SVEP1: variants seen among roughly 807,000 people sequenced by gnomAD.
SVEP1 encodes the protein sushi, von Willebrand factor type A, EGF and pentraxin domain-containing protein 1.
SVEP1 carries 164 observed loss-of-function variants against 367.3 expected under a neutral mutation model. The observed-to-expected ratio is 0.45, with a 90% CI of 0.39 to 0.51. The LOEUF is 0.51. Among genes scored for constraint, SVEP1 ranks in the 20% least tolerant of loss-of-function variants. The probability of loss-of-function intolerance (pLI) is 0.00; values close to 1 mark genes in which losing one functional copy is unlikely to be tolerated. For synonymous variants in SVEP1, 1,666 were observed against 1,611.6 expected (o/e 1.03, Z -0.81); for missense variants, 4,117 against 4,425.3 (o/e 0.93, Z 1.98).
In SVEP1 at chr9:110,528,027, G is replaced by C. The variant is rs190122511; in HGVS notation, c.965-13921C>G. ...CAGCTCCATCAAAGTTGCTGCAAAAGACATTATTTCATTCATTTTATGGCT... is the reference window on the plus strand; with the variant it reads ...CAGCTCCATCAAAGTTGCTGCAAAACACATTATTTCATTCATTTTATGGCT... On this transcript the variant is annotated intron_variant, in intron 3 of 47. Coordinates refer to ENST00000374469, the MANE Select transcript of SVEP1 (RefSeq NM_153366.4). Among the ~76,000 whole-genome samples the C allele has an allele frequency of 4.0e-5, 6 of 150,314 alleles. No homozygotes were observed. The East Asian group carries it at 1.2e-3, about 29-fold the overall frequency.
At chr9:110,446,105 C>G in intron 25 of SVEP1, 67 bp from the exon 26 acceptor site, 1 of 1,429,684 alleles carries the variant, frequency 7.0e-7, no homozygotes, top group Non-Finnish European at 9.6e-7. Context: ...TCAGAGGAAG[C>G]AGTGCTATTG....
intron 44 of SVEP1, 97 bp from the exon 45 acceptor site, chr9:110,377,463 G>T: frequency 9.0e-7 from 1 of 1,109,832 alleles, no homozygotes; most frequent in Non-Finnish European, 1.3e-6. Context: ...CTATTTCCTT[G>T]AGTCAAGCTT....
At chr9:110,507,213 T>C (rs1829639042) in intron 5 of SVEP1, among the ~76,000 whole-genome samples, 2 of 152,228 alleles carry the variant, frequency 1.3e-5, no homozygotes, top group South Asian at 2.1e-4. Context: ...TCTCTAAAGA[T>C]TTTTGAACAA....
At chr9:110,389,275 AAACT>A (rs1296856863) in intron 41 of SVEP1, among the ~76,000 whole-genome samples, 3 of 152,184 alleles carry the variant, frequency 2.0e-5, no homozygotes, top group Admixed American at 1.3e-4. Context: ...GTTTTTAAAC[AAACT>A]GTTTGCCATT....
chr9:110,514,224 G>T, intron 3 of SVEP1, 118 bp from the exon 4 acceptor site: 4 of 1,361,680 alleles, frequency 2.9e-6, no homozygotes, highest in Non-Finnish European at 3.0e-6. Flanking sequence ...TAGAAATGGT[G>T]ATGTAGGCTG....
rs117615565 is a variant in SVEP1 at position 110,391,107 on chromosome 9, G to A, written c.9823-1520C>T. Among the ~76,000 whole-genome samples the A allele has an allele frequency of 4.0e-3, 615 of 152,026 alleles. 1 individual carries two copies. The highest frequency in any genetic ancestry group is 6.0e-3 in the Non-Finnish European group (406 of 67,978). On this transcript the variant is annotated intron_variant, in intron 40 of 47. Coordinates refer to ENST00000374469, the MANE Select transcript of SVEP1 (RefSeq NM_153366.4). Reference sequence around the variant, plus strand: ...AATTCCTTAATATTAATAAAATGTCGTTTTCAAATTTCCAATTGTTGCATA... The same window carrying A: ...AATTCCTTAATATTAATAAAATGTCATTTTCAAATTTCCAATTGTTGCATA...
At chr9:110,477,831 T>C (rs1245864000) in intron 13 of SVEP1, among the ~76,000 whole-genome samples, 1 of 152,174 alleles carries the variant, frequency 6.6e-6, no homozygotes, top group Non-Finnish European at 1.5e-5. Flanking sequence ...ATCTCTTGCT[T>C]TCATTTCCTA....
At position 110,365,509 on chromosome 9, in the gene SVEP1, T is replaced by C. The variant is rs1400191052; in HGVS notation, c.*1030A>G. ...GGCAAGTTGATTCTGAGTTTCCTAT[T>C]TTAAAACAAAATCTAGGGTTTGACT... On this transcript the variant is annotated 3_prime_UTR_variant, in exon 48 of 48. Transcript: ENST00000374469. 6.6e-6 allele frequency: 1 copy of C among 152,284 alleles called. No homozygotes were observed. Among genetic ancestry groups the C allele is most frequent in the East Asian group, 1.9e-4 (1 of 5,202 alleles). 9.4% of individuals were successfully genotyped at this position (152,284 alleles called of 1,614,324 possible). A position where few individuals can be genotyped will look rare whatever the true frequency, so the allele number is the denominator to read the frequency against.
At chr9:110,479,237 G>T (rs540856263) in intron 13 of SVEP1, among the ~76,000 whole-genome samples, 53 of 152,056 alleles carry the variant, frequency 3.5e-4, no homozygotes, top group African/African-American at 1.3e-3. Flanking sequence ...TATAATTGTT[G>T]TAAGAGTCCT....
At chr9:110,425,587 T>A (rs1828241508) in intron 36 of SVEP1, among the ~76,000 whole-genome samples, 1 of 152,234 alleles carries the variant, frequency 6.6e-6, no homozygotes, top group African/African-American at 2.4e-5. Flanking sequence ...ATGAGATGAT[T>A]CACATAGAAT....
At chr9:110,543,140 C>G (rs1830174413) in intron 3 of SVEP1, among the ~76,000 whole-genome samples, 1 of 152,024 alleles carries the variant, frequency 6.6e-6, no homozygotes, top group Admixed American at 6.6e-5. Context: ...TCTCTTAGCT[C>G]CTACTGTTCC....
At chr9:110,578,482 G>A (rs1235677808) in intron 1 of SVEP1, among the ~76,000 whole-genome samples, 1 of 151,572 alleles carries the variant, frequency 6.6e-6, no homozygotes, top group African/African-American at 2.4e-5. Flanking sequence ...GGATTAATTT[G>A]TAATCAGAAA....
intron 27 of SVEP1, 40 bp from the exon 28 acceptor site, chr9:110,436,544 C>A (rs1274496113): frequency 6.3e-7 from 1 of 1,594,424 alleles, no homozygotes; most frequent in Non-Finnish European, 8.6e-7. Flanking sequence ...GGAAAACTGG[C>A]CTGATGGTCT....
At chr9:110,463,465 C>T (rs1476831419) in intron 18 of SVEP1, among the ~76,000 whole-genome samples, 1 of 151,340 alleles carries the variant, frequency 6.6e-6, no homozygotes, top group Non-Finnish European at 1.5e-5. Context: ...TAGAGAAATG[C>T]AAAAGCAATG....
chr9:110,531,351 C>A (rs1011223331), intron 3 of SVEP1, among the ~76,000 whole-genome samples: 1 of 152,140 alleles, frequency 6.6e-6, no homozygotes, highest in African/African-American at 2.4e-5. Flanking sequence ...ACCCAAATCT[C>A]ATCTTGAACT....
intron 1 of SVEP1, among the ~76,000 whole-genome samples, chr9:110,569,032 G>A (rs1297650710): frequency 6.6e-6 from 1 of 152,158 alleles, no homozygotes; most frequent in Non-Finnish European, 1.5e-5. Flanking sequence ...GGTTGAGGCT[G>A]CAGTGAGACA....
rs537777955 is a variant in SVEP1 at position 110,501,515 on chromosome 9, G to A, written c.1483+1523C>T. Reference sequence around the variant, plus strand: ...TTCATTCTATTTTGTTGTGGGGGGGGCAGGCTTGTAGTCTACAAATGATGA... The same window carrying A: ...TTCATTCTATTTTGTTGTGGGGGGGACAGGCTTGTAGTCTACAAATGATGA... On this transcript the variant is annotated intron_variant, in intron 6 of 47. Coordinates refer to ENST00000374469, the MANE Select transcript of SVEP1 (RefSeq NM_153366.4). Among the ~76,000 whole-genome samples the A allele has an allele frequency of 1.2e-3, 187 of 151,310 alleles. 1 individual carries two copies. The highest frequency in any genetic ancestry group is 4.4e-3 in the African/African-American group (181 of 41,394).
At position 110,579,315 on chromosome 9, in the gene SVEP1, C is replaced by A. The variant is rs1466207779; in HGVS notation, c.229G>T (p.Glu77Ter). The A allele has an allele frequency of 6.4e-7, 1 of 1,562,718 alleles. No homozygotes were observed. Among genetic ancestry groups the A allele is most frequent in the African/African-American group, 1.4e-5 (1 of 73,776 alleles). ...ACAAGCTCCAGGCGCTCGCTGAGCT[C>A]CCGCAGCAGCCGCACGCGTCGCCGG... ...AFRRRVRLLR[E>*]LSERLELVFL... The change falls in exon 1 of 48, where the codon GAG becomes TAG. Residue 77 changes from glutamate (E) to a stop codon, truncating the protein, a stop_gained. Coordinates refer to ENST00000374469, the MANE Select transcript of SVEP1 (RefSeq NM_153366.4). LOFTEE classifies it high-confidence loss of function. The surrounding 1 kb of genome is among the most constrained non-coding windows in gnomAD (Gnocchi z 5.3).
chr9:110,434,307 CTG>C, intron 30 of SVEP1, 27 bp downstream of exon 30: 2 of 1,575,830 alleles, frequency 1.3e-6, no homozygotes, highest in Non-Finnish European at 1.7e-6. Flanking sequence ...TCAAAAGTCA[CTG>C]AAATGGCTTC....
Sources: allele counts gnomAD v4.1 joint callset (sites outside exome capture counted in the v4.1 genomes callset), GRCh38; gene constraint gnomAD v4.1.1; non-coding constraint Gnocchi (gnomAD v3.1); transcripts MANE v1.5; gene names NCBI Gene and HGNC (gene_info 2026-07-23, HGNC 2026-07-21).